The following FARP2 variants were observed in gnomAD, a reference collection of about 807,000 sequenced individuals.
FARP2 encodes the protein FERM, ARH/RhoGEF and pleckstrin domain protein 2.
A neutral mutation model predicts 130.5 loss-of-function variants in FARP2; 111 were observed. The ratio of observed to expected loss-of-function variants is 0.85; its 90% CI spans 0.73 to 1.00. The LOEUF is 1.00. Ranked by LOEUF, FARP2 falls within the 50% of genes least tolerant of loss-of-function variation. The pLI is 0.00. For missense variants in FARP2, 1,385 were observed against 1,346.3 expected, an observed-to-expected ratio of 1.03 and a Z score of -0.45; for synonymous variants, 504 against 516.9, an observed-to-expected ratio of 0.98 and a Z score of 0.34.
chr2:241,433,877 T>A (rs890395047), intron 9 of FARP2, among the ~76,000 whole-genome samples: 1 of 152,170 alleles, frequency 6.6e-6, no homozygotes, highest in African/African-American at 2.4e-5. Context: ...AATACAAAAA[T>A]CAGCTGGGCT....
At chr2:241,471,492 T>TC (rs1378515956) in intron 18 of FARP2, 1 of 129,388 alleles carries the variant, frequency 7.7e-6, no homozygotes, top group East Asian at 2.3e-4. Flanking sequence ...TCTTTTTTTT[T>TC]TTTTTTTTTT....
chr2:241,491,485 T>G, intron 23 of FARP2, 31 bp from the exon 24 acceptor site: 1 of 1,609,690 alleles, frequency 6.2e-7, no homozygotes, highest in Non-Finnish European at 8.5e-7. Context: ...CACAGGGGGT[T>G]CCCCCTGAGA....
Position 241,411,146 on chromosome 2 carries a change from C to T in FARP2, c.508+16C>T. ...CTCCTGCAGTGTGAGTATCTCCCCG[C>T]CAGCGGGGAGCATTCACTGACCATG... On this transcript the variant is annotated intron_variant, in intron 6 of 26. Coordinates refer to ENST00000264042, the MANE Select transcript of FARP2 (RefSeq NM_014808.4). The T allele has an allele frequency of 6.4e-7, 1 of 1,569,856 alleles. No individual in the cohort carries two copies. Among genetic ancestry groups the T allele is most frequent in the Non-Finnish European group, 8.7e-7 (1 of 1,143,322 alleles).
chr2:241,432,994 T>G (rs1295947436), intron 9 of FARP2, among the ~76,000 whole-genome samples: 1 of 152,212 alleles, frequency 6.6e-6, no homozygotes, highest in African/African-American at 2.4e-5. Context: ...TTTGTGTAAG[T>G]GTGTTTGCTT....
At chr2:241,398,218 A>G (rs569437468) in intron 2 of FARP2, among the ~76,000 whole-genome samples, 6 of 152,238 alleles carry the variant, frequency 3.9e-5, no homozygotes, top group African/African-American at 1.4e-4. Context: ...ATAATTTTTC[A>G]TATGTATACA....
At chr2:241,357,150 A>G (rs561525883) in intron 1 of FARP2, among the ~76,000 whole-genome samples, 6 of 152,376 alleles carry the variant, frequency 3.9e-5, no homozygotes, top group African/African-American at 1.2e-4. Flanking sequence ...AAGATTGTCA[A>G]TACATAGTGT....
At chr2:241,386,380 C>G (rs968197834) in intron 2 of FARP2, among the ~76,000 whole-genome samples, 2 of 152,090 alleles carry the variant, frequency 1.3e-5, no homozygotes, top group African/African-American at 4.8e-5. Context: ...ATTACAGGCG[C>G]GAGTCATTGC....
chr2:241,427,512 G>A (rs867656815), intron 8 of FARP2, among the ~76,000 whole-genome samples: 6 of 152,106 alleles, frequency 3.9e-5, no homozygotes, highest in Admixed American at 2.0e-4. Flanking sequence ...TTTTTTTGTA[G>A]AGATGGTGTG....
intron 2 of FARP2, among the ~76,000 whole-genome samples, chr2:241,398,789 G>C (rs1559731265): frequency 6.6e-6 from 1 of 152,062 alleles, no homozygotes; most frequent in African/African-American, 2.4e-5. Context: ...GGCTGGTCTT[G>C]AACTCCTGAC....
At chr2:241,357,748 G>A (rs1248466466) in intron 1 of FARP2, among the ~76,000 whole-genome samples, 3 of 152,182 alleles carry the variant, frequency 2.0e-5, no homozygotes, top group Non-Finnish European at 4.4e-5. Flanking sequence ...CAGTTTCCTG[G>A]ACTGCAGACG....
In FARP2 at chr2:241,462,398, G is replaced by T; in HGVS notation, c.1588-125G>T. 1.1e-5 allele frequency: 7 copies of T among 612,078 alleles called. No homozygotes were observed. The South Asian group carries it at 1.5e-4, about 13-fold the overall frequency. 37.9% of individuals were successfully genotyped at this position (612,078 alleles called of 1,614,324 possible). Reference sequence around the variant, plus strand: ...GGATAAATCTCTTCAGAAGTTGAAGGTGAAAACCCCATGACGATGTTACCT... The same window carrying T: ...GGATAAATCTCTTCAGAAGTTGAAGTTGAAAACCCCATGACGATGTTACCT... On this transcript the variant is annotated intron_variant, in intron 14 of 26. Coordinates refer to ENST00000264042, the MANE Select transcript of FARP2 (RefSeq NM_014808.4).
intron 18 of FARP2, among the ~76,000 whole-genome samples, chr2:241,468,996 T>G (rs1237613551): frequency 2.0e-5 from 3 of 152,198 alleles, no homozygotes; most frequent in Non-Finnish European, 4.4e-5. Context: ...ATTGCTCTAA[T>G]GGGGACCTAT....
rs1559800256 is a variant in FARP2, at chr2:241,468,263, C to T, written c.2017C>T (p.Pro673Ser). Residue 673 changes from proline (P) to serine (S), a missense_variant, in exon 18 of 27, where the codon CCT becomes TCT. Transcript: ENST00000264042. Reference sequence around the variant, plus strand: ...TGAGCTGCAGAAGGTCTGCTACTTGCCTCTCAACACGTTCCTGCTGAAGCC... The same window carrying T: ...TGAGCTGCAGAAGGTCTGCTACTTGTCTCTCAACACGTTCCTGCTGAAGCC... The part of the protein sequence containing the change: ...EFELQKVCYL[P>S]LNTFLLKPIQ... The T allele has an allele frequency of 1.2e-6, 2 of 1,613,992 alleles. No homozygotes were observed. Among genetic ancestry groups the T allele is most frequent in the Admixed American group, 3.3e-5 (2 of 60,036 alleles).
At chr2:241,367,993 A>G (rs1040280918) in intron 1 of FARP2, among the ~76,000 whole-genome samples, 6 of 151,880 alleles carry the variant, frequency 4.0e-5, no homozygotes, top group Non-Finnish European at 7.4e-5. Flanking sequence ...AGCATCCCCT[A>G]CTGTCAACAT....
intron 1 of FARP2, among the ~76,000 whole-genome samples, chr2:241,360,251 G>A (rs1344276035): frequency 6.6e-6 from 1 of 152,210 alleles, no homozygotes; most frequent in Non-Finnish European, 1.5e-5. Context: ...TGAGGCAGAG[G>A]TAGATGCCAG....
chr2:241,426,963 G>A (rs747420306), intron 8 of FARP2, among the ~76,000 whole-genome samples: 2 of 152,100 alleles, frequency 1.3e-5, no homozygotes, highest in South Asian at 2.1e-4. Flanking sequence ...GGCTGGGCGC[G>A]GTGGCTCACA....
intron 13 of FARP2, among the ~76,000 whole-genome samples, chr2:241,455,592 G>A (rs2063809354): frequency 6.6e-6 from 1 of 151,688 alleles, no homozygotes; most frequent in South Asian, 2.1e-4. Flanking sequence ...ATGTTGGCCA[G>A]GCTGGTCTCT....
At chr2:241,479,040 A>C in intron 19 of FARP2, 2 of 541,816 alleles carry the variant, frequency 3.7e-6, no homozygotes, top group Non-Finnish European at 6.8e-6. Context: ...CTTTCCCAAG[A>C]TGCAATGAAC....
At chr2:241,402,880 ATTTTTTTTTTTTT>A (rs1194888946) in intron 2 of FARP2, among the ~76,000 whole-genome samples, 5 of 9,728 alleles carry the variant, frequency 5.1e-4, no homozygotes, top group African/African-American at 2.6e-3. Flanking sequence ...ATATATATAT[ATTTTTTTTTTTTT>A]TTTTTTTTTT....
Sources: allele counts gnomAD v4.1 joint callset (sites outside exome capture counted in the v4.1 genomes callset), GRCh38; gene constraint gnomAD v4.1.1; transcripts MANE v1.5; gene names NCBI Gene and HGNC (gene_info 2026-07-23, HGNC 2026-07-21).